EPB41L4A: variants seen among roughly 807,000 people sequenced by gnomAD.
EPB41L4A encodes the protein erythrocyte membrane protein band 4.1 like 4A.
In EPB41L4A, 100 loss-of-function variants were observed where a neutral mutation model predicts 108.6. That is an observed-to-expected ratio of 0.92 (90% CI 0.78 to 1.09). The LOEUF (loss-of-function observed/expected upper bound fraction) is 1.09, where lower values mean the gene tolerates loss of function less well. EPB41L4A is among the 50% of genes least tolerant of loss of function. The probability of loss-of-function intolerance (pLI) is 0.00; values close to 1 mark genes in which losing one functional copy is unlikely to be tolerated. For synonymous variants in EPB41L4A, 319 were observed against 289.0 expected (o/e 1.10, Z -1.05); for missense variants, 1,030 against 842.7 (o/e 1.22, Z -2.75).
chr5:112,370,955 C>T (rs538516848), intron 1 of EPB41L4A, among the ~76,000 whole-genome samples: 86 of 152,278 alleles, frequency 5.6e-4, no homozygotes, highest in Middle Eastern at 3.4e-3. Context: ...GTAAGTAAAT[C>T]ATGCTACCAA....
At chr5:112,324,376 G>C (rs1353393486) in intron 1 of EPB41L4A, among the ~76,000 whole-genome samples, 4 of 152,120 alleles carry the variant, frequency 2.6e-5, no homozygotes, top group Non-Finnish European at 4.4e-5. Flanking sequence ...TAATGATGAA[G>C]TGATACAAAA....
chr5:112,158,813 T>A (rs1180193699), downstream of EPB41L4A, among the ~76,000 whole-genome samples: 2 of 152,116 alleles, frequency 1.3e-5, no homozygotes, highest in Non-Finnish European at 2.9e-5. Flanking sequence ...ACCAGCTCCC[T>A]CCCACAACAC....
At chr5:112,392,190 C>T (rs992472294) in intron 1 of EPB41L4A, among the ~76,000 whole-genome samples, 2 of 152,084 alleles carry the variant, frequency 1.3e-5, no homozygotes, top group African/African-American at 2.4e-5. Context: ...AACCAGCTAA[C>T]ATCATAATGA....
At chr5:112,381,046 T>C (rs1295957778) in intron 1 of EPB41L4A, among the ~76,000 whole-genome samples, 1 of 152,178 alleles carries the variant, frequency 6.6e-6, no homozygotes, top group Non-Finnish European at 1.5e-5. Flanking sequence ...TCTGGGGATA[T>C]CCAATATATT....
chr5:112,324,707 G>A (rs1756029105), intron 1 of EPB41L4A, among the ~76,000 whole-genome samples: 1 of 138,228 alleles, frequency 7.2e-6, no homozygotes, highest in African/African-American at 2.9e-5. Flanking sequence ...GGGTGACAGA[G>A]TGAGAGTCTG....
chr5:112,338,489 T>G lies in EPB41L4A; in HGVS notation c.100-30999A>C, dbSNP rs534044138. Among the ~76,000 whole-genome samples the G allele has an allele frequency of 2.5e-4, 38 of 152,264 alleles. No homozygotes were observed. The South Asian group carries it at 7.7e-3, about 31-fold the overall frequency. The stretch of plus-strand genomic sequence containing the variant: ...TGGTCATACCAGGTCGCTGCACCTG[T>G]GCTCCCTCACCAGGAAGGCCCTTCA... On this transcript the variant is annotated intron_variant, in intron 1 of 22. Coordinates refer to ENST00000261486, the MANE Select transcript of EPB41L4A (RefSeq NM_022140.5).
intron 13 of EPB41L4A, chr5:112,145,743 A>G: frequency 3.2e-6 from 1 of 316,750 alleles, no homozygotes; most frequent in Admixed American, 4.5e-5. Flanking sequence ...ATAAACGTGC[A>G]TACAACATCC....
chr5:112,394,670 G>A (rs942802300), intron 1 of EPB41L4A, among the ~76,000 whole-genome samples: 4 of 152,128 alleles, frequency 2.6e-5, no homozygotes, highest in African/African-American at 9.7e-5. Context: ...ACTGTCCAAG[G>A]TAATTTGTAG....
At chr5:112,320,062 T>C (rs1755675686) in intron 1 of EPB41L4A, among the ~76,000 whole-genome samples, 1 of 152,224 alleles carries the variant, frequency 6.6e-6, no homozygotes, top group Non-Finnish European at 1.5e-5. Context: ...TCTGTTAAGC[T>C]TGAAATTATT....
chr5:112,152,831 A>T (rs972186247), intron 12 of EPB41L4A, among the ~76,000 whole-genome samples: 4 of 152,214 alleles, frequency 2.6e-5, no homozygotes, highest in African/African-American at 9.7e-5. Context: ...AAAAAAAATT[A>T]CCAGATTCAA....
intron 18 of EPB41L4A, among the ~76,000 whole-genome samples, chr5:112,173,156 A>C (rs1194958255): frequency 6.6e-6 from 1 of 152,240 alleles, no homozygotes; most frequent in Non-Finnish European, 1.5e-5. Flanking sequence ...GAGTACTAGA[A>C]TAGTGCTGGA....
chr5:112,178,219 T>C (rs1039871425), intron 18 of EPB41L4A, among the ~76,000 whole-genome samples: 1 of 152,050 alleles, frequency 6.6e-6, no homozygotes, highest in Non-Finnish European at 1.5e-5. Flanking sequence ...AGAGAAAGTA[T>C]TGCCAGAATA....
chr5:112,204,600 A>G, intron 14 of EPB41L4A, 112 bp from the exon 15 acceptor site: 1 of 598,054 alleles, frequency 1.7e-6, no homozygotes, highest in Non-Finnish European at 3.1e-6. Context: ...AGGCACATGC[A>G]CCAGGGGCAC....
chr5:112,231,609 C>T (rs1160183693), intron 12 of EPB41L4A, among the ~76,000 whole-genome samples: 2 of 150,970 alleles, frequency 1.3e-5, no homozygotes, highest in African/African-American at 4.9e-5. Context: ...CAAGGTGAAA[C>T]CCCGTCTCTA....
intron 12 of EPB41L4A, among the ~76,000 whole-genome samples, chr5:112,229,945 G>A (rs570109937): frequency 4.7e-5 from 7 of 147,622 alleles, no homozygotes; most frequent in African/African-American, 1.8e-4. Context: ...CCGAGATCAC[G>A]CCAGTGCACT....
intron 12 of EPB41L4A, among the ~76,000 whole-genome samples, chr5:112,220,964 G>C (rs895255387): frequency 2.0e-5 from 3 of 152,162 alleles, no homozygotes; most frequent in Admixed American, 1.3e-4. Context: ...CTGCATGACT[G>C]TCCATGAATA....
chr5:112,363,355 A>AGGTAAAAATCACGCCCAACACT (rs1342747625), intron 1 of EPB41L4A: 1 of 150,466 alleles, frequency 6.6e-6, no homozygotes, highest in East Asian at 1.9e-4. Context: ...CAACACTTTG[A>AGGTAAAAATCACGCCCAACACT]GAGGCTGAGG....
chr5:112,188,288 T>C (rs890266138), intron 17 of EPB41L4A, among the ~76,000 whole-genome samples: 5 of 152,174 alleles, frequency 3.3e-5, no homozygotes, highest in African/African-American at 4.8e-5. Flanking sequence ...CATACTCCCT[T>C]AAGACCAGCA....
chr5:112,162,369 G>A (rs534539740), downstream of EPB41L4A: 148 of 152,326 alleles, frequency 9.7e-4, no homozygotes, highest in African/African-American at 3.4e-3. Context: ...AAAGTTATAA[G>A]GGAGGAGGGG....
Sources: gnomAD v4.1 joint callset for allele counts (sites outside exome capture counted in the v4.1 genomes callset) on GRCh38, gnomAD v4.1.1 for gene constraint, MANE v1.5 for transcripts, NCBI Gene and HGNC (gene_info 2026-07-23, HGNC 2026-07-21) for gene names.